The following ZNF644 variants were observed in gnomAD, a reference collection of about 807,000 sequenced individuals.
The protein encoded by ZNF644 is zinc finger protein 644, also known as zinc finger motif enhancer binding protein 2.
ZNF644 carries 20 observed loss-of-function variants against 108.0 expected under a neutral mutation model. That is an observed-to-expected ratio of 0.19 (90% CI 0.13 to 0.27). The LOEUF is 0.27. Among genes scored for constraint, ZNF644 ranks in the 10% least tolerant of loss-of-function variants. The probability of loss-of-function intolerance (pLI) is 1.00; values close to 1 mark genes in which losing one functional copy is unlikely to be tolerated. For missense variants in ZNF644, 1,338 were observed against 1,548.9 expected (o/e 0.86, Z 2.29); for synonymous variants, 542 against 539.1 (o/e 1.01, Z -0.08).
At chr1:90,983,544 G>A (rs1656785623) in intron 1 of ZNF644, among the ~76,000 whole-genome samples, 1 of 151,628 alleles carries the variant, frequency 6.6e-6, no homozygotes, top group Non-Finnish European at 1.5e-5. Context: ...GATCTTGAGA[G>A]GGAGGATTAT....
chr1:90,970,325 G>T (rs746447049), intron 2 of ZNF644, among the ~76,000 whole-genome samples: 10 of 152,062 alleles, frequency 6.6e-5, no homozygotes, highest in Admixed American at 1.3e-4. Context: ...ATCCTTTCTT[G>T]TCGCTGAGAA....
intron 1 of ZNF644, among the ~76,000 whole-genome samples, chr1:90,998,126 C>A (rs1658364100): frequency 6.6e-6 from 1 of 152,196 alleles, no homozygotes; most frequent in South Asian, 2.1e-4. Flanking sequence ...TGGGGCAGGG[C>A]ACAGCCGAAC....
At chr1:91,018,546 A>T (rs1198484571) in intron 1 of ZNF644, among the ~76,000 whole-genome samples, 1 of 152,248 alleles carries the variant, frequency 6.6e-6, no homozygotes, top group Non-Finnish European at 1.5e-5. Context: ...AGTTTAAAAA[A>T]TGGTTAAAAC....
chr1:90,988,146 G>A (rs1490281130), intron 1 of ZNF644, among the ~76,000 whole-genome samples: 5 of 151,870 alleles, frequency 3.3e-5, no homozygotes, highest in African/African-American at 1.2e-4. Context: ...CTTATATGCA[G>A]AAAACTCTTA....
At chr1:90,923,758 G>C (rs764638172) in intron 4 of ZNF644, among the ~76,000 whole-genome samples, 1 of 152,116 alleles carries the variant, frequency 6.6e-6, no homozygotes, top group Non-Finnish European at 1.5e-5. Context: ...ACCTGGAAGA[G>C]GATGAAATGC....
chr1:91,013,645 G>A (rs1433473770), intron 1 of ZNF644, among the ~76,000 whole-genome samples: 2 of 151,808 alleles, frequency 1.3e-5, no homozygotes, highest in Non-Finnish European at 2.9e-5. Flanking sequence ...TATCCTTTAC[G>A]GTTCAGTTCA....
chr1:91,002,992 C>T lies in ZNF644; in HGVS notation c.-18+18998G>A, dbSNP rs1218805740. Among the ~76,000 whole-genome samples, 3 of 152,076 alleles carry T rather than the reference C, an allele frequency of 2.0e-5. No homozygotes were observed. The East Asian group carries it at 5.8e-4, about 29-fold the overall frequency. ...AAAACCACAATGAGATACCATCTCA[C>T]ACCAGTTAGAATGGCAATCATTAAA... is the stretch of plus-strand genomic sequence containing the variant. On this transcript the variant is annotated intron_variant, in intron 1 of 5. Coordinates refer to ENST00000337393, the MANE Select transcript of ZNF644 (RefSeq NM_201269.3).
chr1:90,925,979 T>C (rs1178269755), intron 4 of ZNF644, among the ~76,000 whole-genome samples: 1 of 151,928 alleles, frequency 6.6e-6, no homozygotes, highest in Non-Finnish European at 1.5e-5. Context: ...GTAAAGCAAG[T>C]CTCGTTAGGT....
At chr1:90,987,074 A>C (rs1403890223) in intron 1 of ZNF644, among the ~76,000 whole-genome samples, 1 of 150,872 alleles carries the variant, frequency 6.6e-6, no homozygotes, top group Non-Finnish European at 1.5e-5. Flanking sequence ...AAAAAAAAAA[A>C]AAACCCACAA....
At chr1:90,996,452 G>C (rs536658563) in intron 1 of ZNF644, among the ~76,000 whole-genome samples, 11 of 152,224 alleles carry the variant, frequency 7.2e-5, no homozygotes, top group Middle Eastern at 3.4e-3. Flanking sequence ...ATCTTATCTT[G>C]CCCTATTCCC....
At chr1:90,944,197 C>T (rs1652294224) in intron 2 of ZNF644, among the ~76,000 whole-genome samples, 1 of 152,152 alleles carries the variant, frequency 6.6e-6, no homozygotes, top group Non-Finnish European at 1.5e-5. Context: ...AGACGCTTCC[C>T]ATTTAAAGCA....
At chr1:90,975,528 C>CCTG (rs1480118524) in intron 2 of ZNF644, among the ~76,000 whole-genome samples, 1 of 151,656 alleles carries the variant, frequency 6.6e-6, no homozygotes, top group Non-Finnish European at 1.5e-5. Context: ...ACCTCTGCCT[C>CCTG]CTGGGTTCAA....
intron 2 of ZNF644, among the ~76,000 whole-genome samples, chr1:90,956,055 T>C (rs1653723575): frequency 6.6e-6 from 1 of 152,124 alleles, no homozygotes; most frequent in Non-Finnish European, 1.5e-5. Context: ...TCTCATGGAA[T>C]AGGGAGGCCC....
chr1:90,973,304 C>T (rs1197656940), intron 2 of ZNF644: 1 of 151,856 alleles, frequency 6.6e-6, no homozygotes, highest in Non-Finnish European at 1.5e-5. Flanking sequence ...ATGTATTTTC[C>T]TGTGTAGTAT....
At chr1:91,012,910 CTTCT>C (rs1283493921) in intron 1 of ZNF644, among the ~76,000 whole-genome samples, 1 of 152,152 alleles carries the variant, frequency 6.6e-6, no homozygotes, top group African/African-American at 2.4e-5. Flanking sequence ...AATTCTCATC[CTTCT>C]TTATCAATCT....
At chr1:90,931,338 G>A (rs1466132133) in intron 4 of ZNF644, among the ~76,000 whole-genome samples, 3 of 146,570 alleles carry the variant, frequency 2.0e-5, no homozygotes, top group African/African-American at 7.5e-5. Flanking sequence ...AAATCTGTAT[G>A]AGCATGTAAA....
intron 4 of ZNF644, among the ~76,000 whole-genome samples, chr1:90,920,662 A>G (rs181782865): frequency 1.3e-5 from 2 of 152,022 alleles, no homozygotes; most frequent in African/African-American, 4.8e-5. Flanking sequence ...TCATTTTTGT[A>G]GCAATGAGTA....
chr1:90,940,528 C>T lies in ZNF644; in HGVS notation c.826G>A (p.Val276Ile). The T allele has an allele frequency of 6.2e-7, 1 of 1,613,804 alleles. No homozygotes were observed. Among genetic ancestry groups the T allele is most frequent in the Non-Finnish European group, 8.5e-7 (1 of 1,179,918 alleles). Residue 276 changes from valine (V) to isoleucine (I), a missense_variant, in exon 3 of 6, where the codon GTA becomes ATA. Val to Ile is a conservative substitution (Grantham distance 29, BLOSUM62 3). This residue lies in a region of ZNF644 where 464 missense variants were observed against 457.9 expected (regional missense o/e 1.01). Transcript: ENST00000337393. ...TTAGAATGAGGTGGAGCTTTATCTACTGTTTCCTCATTAGTCATAAGAAAT... is the reference window on the plus strand; with the variant it reads ...TTAGAATGAGGTGGAGCTTTATCTATTGTTTCCTCATTAGTCATAAGAAAT... ...IQFLMTNEET[V>I]DKAPPHSKIG...
At chr1:90,959,005 C>T (rs552288015) in intron 2 of ZNF644, among the ~76,000 whole-genome samples, 9 of 152,158 alleles carry the variant, frequency 5.9e-5, no homozygotes, top group South Asian at 2.1e-4. Flanking sequence ...TGTTTATCAA[C>T]AGGTATTATT....
Sources: allele counts gnomAD v4.1 joint callset (sites outside exome capture counted in the v4.1 genomes callset), GRCh38; gene constraint gnomAD v4.1.1; regional missense constraint gnomAD v4.1.1; transcripts MANE v1.5; gene names NCBI Gene and HGNC (gene_info 2026-07-23, HGNC 2026-07-21).